The following CIT variants were observed in gnomAD, a reference collection of about 807,000 sequenced individuals.
CIT encodes citron rho-interacting serine/threonine kinase.
In CIT, 79 loss-of-function variants were observed where a neutral mutation model predicts 272.7. The observed-to-expected ratio is 0.29, with a 90% CI of 0.24 to 0.35. The LOEUF (loss-of-function observed/expected upper bound fraction) is 0.35, where lower values mean the gene tolerates loss of function less well. Ranked by LOEUF, CIT falls within the 10% of genes least tolerant of loss-of-function variation. The pLI is 1.00. For synonymous variants in CIT, 948 were observed against 995.6 expected (o/e 0.95, Z 0.90); for missense variants, 1,909 against 2,618.3 (o/e 0.73, Z 5.91).
intron 41 of CIT, 99 bp downstream of exon 41, chr12:119,704,264 T>C: frequency 8.9e-7 from 1 of 1,119,252 alleles, no homozygotes; most frequent in Non-Finnish European, 1.3e-6. Context: ...AGGAACCCAG[T>C]ACAGGCTGTG....
chr12:119,860,081 G>T (rs1445988859), intron 3 of CIT, among the ~76,000 whole-genome samples: 1 of 152,178 alleles, frequency 6.6e-6, no homozygotes, highest in Non-Finnish European at 1.5e-5. Flanking sequence ...GCTTCCCAAA[G>T]CACTGGGATT....
chr12:119,861,502 G>A (rs1431172320), intron 3 of CIT, among the ~76,000 whole-genome samples: 3 of 151,102 alleles, frequency 2.0e-5, no homozygotes, highest in Admixed American at 6.6e-5. Context: ...CAGGAGAATC[G>A]CTTGAACCTG....
chr12:119,847,518 C>A (rs961941898), intron 5 of CIT, among the ~76,000 whole-genome samples: 1 of 152,050 alleles, frequency 6.6e-6, no homozygotes, highest in Admixed American at 6.6e-5. Context: ...CACTTTAACC[C>A]AGGAGGTGGA....
intron 47 of CIT, among the ~76,000 whole-genome samples, chr12:119,688,815 G>T (rs1486500518): frequency 6.6e-6 from 1 of 152,198 alleles, no homozygotes; most frequent in Non-Finnish European, 1.5e-5. Flanking sequence ...CTTCTGGAAG[G>T]CAACCACTGT....
At position 119,877,295 on chromosome 12, in the gene CIT, C is replaced by A. The variant is rs1241875269; in HGVS notation, c.-60G>T. On this transcript the variant is annotated 5_prime_UTR_variant, in exon 1 of 48. Transcript: ENST00000392521. ...GCGATCTGTTCCGCCCCGCGCCTCC[C>A]GCCGCCGCGTTTGAACCCGAGGAAC... 1 of 152,348 alleles carries A rather than the reference C, an allele frequency of 6.6e-6. No homozygotes were observed. The highest frequency in any genetic ancestry group is 1.5e-5 in the Non-Finnish European group (1 of 68,134). The allele number at this position is 152,348 out of a possible 1,614,324, so 9.4% of individuals were successfully genotyped here.
Position 119,700,778 on chromosome 12 carries a change from C to A in CIT, c.5590G>T (p.Asp1864Tyr). The A allele has an allele frequency of 6.2e-7, 1 of 1,614,062 alleles. No homozygotes were observed. The highest frequency in any genetic ancestry group is 8.5e-7 in the Non-Finnish European group (1 of 1,179,976). ...DSYGRRSRTD[D>Y]LKWSRLPLAF... The stretch of plus-strand genomic sequence containing the variant: ...AAAGGTAAGCGACTCCACTTGAGAT[C>A]GTCTGTGCGGCTACGTCTTCCGTAA... The change falls in exon 44 of 48, where the codon GAT becomes TAT. Residue 1864 changes from aspartate (D) to tyrosine (Y), a missense_variant. Physicochemically the swap from Asp to Tyr is radical, Grantham distance 160. Around this residue, in one of 8 missense-constraint regions of CIT, gnomAD observed 780 missense variants for 1,067.2 expected, o/e 0.73. Coordinates refer to ENST00000392521, the MANE Select transcript of CIT (RefSeq NM_001206999.2).
At chr12:119,723,125 C>T (rs1957890816) in intron 28 of CIT, among the ~76,000 whole-genome samples, 2 of 152,094 alleles carry the variant, frequency 1.3e-5, no homozygotes, top group South Asian at 4.2e-4. Flanking sequence ...ATTTCTCAAT[C>T]AAACCACAGA....
Position 119,690,369 on chromosome 12 carries a change from T to A in CIT, c.5968A>T (p.Ser1990Cys). The A allele has an allele frequency of 6.3e-7, 1 of 1,598,012 alleles. No homozygotes were observed. Among genetic ancestry groups the A allele is most frequent in the Non-Finnish European group, 8.5e-7 (1 of 1,178,226 alleles). ...ASSPAPPEGP[S>C]HPREPSTPHR... Reference sequence around the variant, plus strand: ...GGTGTGCTTGGCTCTCGCGGGTGGCTGGGGCCTTCGGGCGGCGCTGGGCTG... The same window carrying A: ...GGTGTGCTTGGCTCTCGCGGGTGGCAGGGGCCTTCGGGCGGCGCTGGGCTG... The change falls in exon 47 of 48, where the codon AGC becomes TGC. Residue 1990 changes from serine (S) to cysteine (C), a missense_variant. By Grantham distance (112) the Ser-to-Cys change is moderately radical (BLOSUM62 -1). Around this residue, in one of 8 missense-constraint regions of CIT, gnomAD observed 780 missense variants for 1,067.2 expected, o/e 0.73. Coordinates refer to ENST00000392521, the MANE Select transcript of CIT (RefSeq NM_001206999.2). The surrounding 1 kb of genome is among the most constrained non-coding windows in gnomAD (Gnocchi z 6.0).
intron 22 of CIT, among the ~76,000 whole-genome samples, chr12:119,755,824 C>A (rs1363840114): frequency 1.3e-5 from 2 of 152,246 alleles, no homozygotes; most frequent in Non-Finnish European, 2.9e-5. Context: ...CTCTTCCCAG[C>A]CTCCTTATGT....
chr12:119,758,746 T>A, intron 20 of CIT, 46 bp from the exon 21 acceptor site: 1 of 1,274,278 alleles, frequency 7.8e-7, no homozygotes, highest in Non-Finnish European at 1.1e-6. Context: ...AGAACAGGAG[T>A]AACAGGGGCA....
At chr12:119,838,890 T>C (rs1167568821) in intron 5 of CIT, among the ~76,000 whole-genome samples, 1 of 151,950 alleles carries the variant, frequency 6.6e-6, no homozygotes, top group Non-Finnish European at 1.5e-5. Context: ...GGCATGGTAA[T>C]CAAAGGCTGG....
Position 119,760,987 on chromosome 12 carries a change from G to A in CIT, c.2373C>T (p.His791=), listed in dbSNP as rs1961714087. ...KETLENMMQR[H]EEEAHEKGKI... The stretch of plus-strand genomic sequence containing the variant: ...TGCCCTTCTCATGGGCCTCCTCCTC[G>A]TGTCTCTGCATCATGTTCTCCAGTG... Residue 791 remains histidine (H), a synonymous_variant, in exon 20 of 48, where the codon CAC becomes CAT. Coordinates refer to ENST00000392521, the MANE Select transcript of CIT (RefSeq NM_001206999.2). 1.2e-6 allele frequency: 2 copies of A among 1,614,094 alleles called. No homozygotes were observed. The highest frequency in any genetic ancestry group is 1.1e-5 in the South Asian group (1 of 91,066).
intron 2 of CIT, among the ~76,000 whole-genome samples, chr12:119,874,314 C>T (rs1170828028): frequency 5.3e-5 from 8 of 152,046 alleles, no homozygotes; most frequent in South Asian, 2.1e-4. Context: ...TCAAGTAATC[C>T]GCCCGCCTCA....
rs1173600640 is a variant in CIT, at chr12:119,865,766, A to C, written c.238+3294T>G. The stretch of plus-strand genomic sequence containing the variant: ...ACGCCTGTAGTCCCAGCTACTGAGG[A>C]GGCTGAGGCAGGAGAATCACTTGAA... On this transcript the variant is annotated intron_variant, in intron 3 of 47. Transcript: ENST00000392521. 2.0e-5 allele frequency among the ~76,000 whole-genome samples: 3 copies of C among 149,860 alleles called. No individual in the cohort carries two copies. In the East Asian group the frequency reaches 6.0e-4, roughly 30 times the overall value.
At chr12:119,715,197 A>G (rs1957394366) in intron 32 of CIT, among the ~76,000 whole-genome samples, 1 of 152,208 alleles carries the variant, frequency 6.6e-6, no homozygotes, top group Non-Finnish European at 1.5e-5. Context: ...AGGCCTCCCC[A>G]GCCACATGGA....
At chr12:119,870,167 C>T (rs1360992248) in intron 2 of CIT, among the ~76,000 whole-genome samples, 1 of 152,152 alleles carries the variant, frequency 6.6e-6, no homozygotes, top group South Asian at 2.1e-4. Flanking sequence ...TTTCTCCTGC[C>T]TTTGAATCTG....
intron 24 of CIT, among the ~76,000 whole-genome samples, chr12:119,740,554 A>G (rs1392949886): frequency 2.0e-5 from 3 of 150,140 alleles, no homozygotes; most frequent in African/African-American, 7.4e-5. Flanking sequence ...AAAGTTTTTT[A>G]GAAAGTTCTT....
At chr12:119,765,596 G>A (rs1962352202) in intron 19 of CIT, among the ~76,000 whole-genome samples, 1 of 149,522 alleles carries the variant, frequency 6.7e-6, no homozygotes, top group South Asian at 2.1e-4. Flanking sequence ...CCAGCCTCCT[G>A]AGTAGCTGAG....
At chr12:119,806,823 T>C (rs1245638914) in intron 9 of CIT, among the ~76,000 whole-genome samples, 2 of 152,260 alleles carry the variant, frequency 1.3e-5, no homozygotes, top group East Asian at 3.9e-4. Flanking sequence ...TTAGTAGAAA[T>C]TCTTATCAAA....
Sources: gnomAD v4.1 joint callset for allele counts (sites outside exome capture counted in the v4.1 genomes callset) on GRCh38, gnomAD v4.1.1 for gene constraint, gnomAD v4.1.1 regional missense constraint, Gnocchi (gnomAD v3.1) non-coding constraint, MANE v1.5 for transcripts, NCBI Gene and HGNC (gene_info 2026-07-23, HGNC 2026-07-21) for gene names.